The following AFF3 variants were observed in gnomAD, a reference collection of about 807,000 sequenced individuals.
The protein encoded by AFF3 is ALF transcription elongation factor 3.
Under a neutral mutation model 129.7 loss-of-function variants are expected in AFF3, and 32 were observed. That is an observed-to-expected ratio of 0.25 (90% CI 0.19 to 0.33). The LOEUF (loss-of-function observed/expected upper bound fraction) is 0.33. Among genes scored for constraint, AFF3 ranks in the 10% least tolerant of loss-of-function variants. AFF3 has a pLI of 1.00. For synonymous variants in AFF3, 644 were observed against 635.4 expected (o/e 1.01, Z -0.20); for missense variants, 1,373 against 1,592.0 (o/e 0.86, Z 2.34).
At chr2:100,118,995 T>G (rs974155657) in intron 2 of AFF3, among the ~76,000 whole-genome samples, 46 of 152,154 alleles carry the variant, frequency 3.0e-4, no homozygotes, top group Admixed American at 2.4e-3. Context: ...GAGACGGGGT[T>G]TCACCATGTT....
chr2:100,112,819 TC>T (rs60792001), intron 2 of AFF3, among the ~76,000 whole-genome samples: 34,642 of 151,986 alleles, frequency 0.23, 4,733 homozygotes, highest in African/African-American at 0.38. Context: ...CCTGCCCTGC[TC>T]CACCACTATC....
At chr2:99,749,206 T>C (rs1681420950) in intron 9 of AFF3, among the ~76,000 whole-genome samples, 1 of 152,244 alleles carries the variant, frequency 6.6e-6, no homozygotes. Context: ...ATATATTAAT[T>C]AGCTTGATTG....
chr2:100,120,267 T>C (rs1438458611), intron 2 of AFF3, among the ~76,000 whole-genome samples: 1 of 152,184 alleles, frequency 6.6e-6, no homozygotes, highest in Non-Finnish European at 1.5e-5. Flanking sequence ...ACATTCAGCA[T>C]GAAACCGTGG....
rs554103376 is a variant in AFF3, at chr2:99,871,211, A to G, written c.874-33687T>C. On this transcript the variant is annotated intron_variant, in intron 7 of 24. Transcript: ENST00000672756. ...TCAGGAACCATCCCCAAGATATCTCATTATGTCTATGCAAATATTCCAAAA... is the reference window on the plus strand; with the variant it reads ...TCAGGAACCATCCCCAAGATATCTCGTTATGTCTATGCAAATATTCCAAAA... Among the ~76,000 whole-genome samples, 3 of 152,298 alleles carry G rather than the reference A, an allele frequency of 2.0e-5. No individual in the cohort carries two copies. The East Asian group carries it at 5.8e-4, about 29-fold the overall frequency.
intron 4 of AFF3, among the ~76,000 whole-genome samples, chr2:100,054,683 C>T (rs1385150678): frequency 5.9e-5 from 9 of 152,204 alleles, no homozygotes; most frequent in African/African-American, 1.4e-4. Context: ...TAAGGATTTA[C>T]GTGTATTGTT....
At chr2:99,731,121 C>T (rs1679795717) in intron 10 of AFF3, among the ~76,000 whole-genome samples, 1 of 152,128 alleles carries the variant, frequency 6.6e-6, no homozygotes, top group Admixed American at 6.5e-5. Context: ...AAACACCTGG[C>T]TAATTTTTAT....
chr2:100,013,200 A>G (rs918528952), intron 4 of AFF3, among the ~76,000 whole-genome samples: 1 of 152,212 alleles, frequency 6.6e-6, no homozygotes, highest in African/African-American at 2.4e-5. Context: ...AGCCAAGGCC[A>G]ATTATGGTGG....
chr2:99,931,988 C>T (rs780845873), intron 7 of AFF3, among the ~76,000 whole-genome samples: 1 of 152,176 alleles, frequency 6.6e-6, no homozygotes, highest in African/African-American at 2.4e-5. Flanking sequence ...AGTCTGCCCA[C>T]AGGAACCCTG....
intron 12 of AFF3, among the ~76,000 whole-genome samples, chr2:99,666,981 A>G (rs1686729768): frequency 6.6e-6 from 1 of 152,224 alleles, no homozygotes; most frequent in Non-Finnish European, 1.5e-5. Context: ...CTCTCTCAAC[A>G]TTAGATAGAG....
chr2:99,659,827 C>T (rs1224920887), intron 12 of AFF3, among the ~76,000 whole-genome samples: 1 of 151,968 alleles, frequency 6.6e-6, no homozygotes, highest in East Asian at 1.9e-4. Flanking sequence ...TTTCCTAGCA[C>T]AAAAAAGACC....
At chr2:100,030,946 T>C (rs1374604138) in intron 4 of AFF3, among the ~76,000 whole-genome samples, 5 of 152,208 alleles carry the variant, frequency 3.3e-5, no homozygotes, top group African/African-American at 7.2e-5. Flanking sequence ...TCAAAATTCA[T>C]AGAACTTTAT....
intron 13 of AFF3, among the ~76,000 whole-genome samples, chr2:99,632,369 G>T (rs866156809): frequency 1.3e-5 from 2 of 152,220 alleles, no homozygotes; most frequent in Admixed American, 1.3e-4. Flanking sequence ...GTGATAAGGG[G>T]TACTGAGTTT....
intron 7 of AFF3, among the ~76,000 whole-genome samples, chr2:99,997,710 T>C (rs1680982496): frequency 6.6e-6 from 1 of 152,112 alleles, no homozygotes; most frequent in East Asian, 1.9e-4. Flanking sequence ...ACTTCTCCCA[T>C]CCCATGTACA....
intron 2 of AFF3, 94 bp from the exon 3 acceptor site, chr2:100,105,677 T>C: frequency 7.4e-7 from 1 of 1,349,680 alleles, no homozygotes; most frequent in Non-Finnish European, 9.8e-7. Context: ...CTTACTTTTT[T>C]AGACATGCTG....
intron 7 of AFF3, among the ~76,000 whole-genome samples, chr2:99,889,362 T>G (rs1467336575): frequency 6.6e-6 from 1 of 152,334 alleles, no homozygotes; most frequent in African/African-American, 2.4e-5. Flanking sequence ...TCAATCCAAG[T>G]CCTTTTAAGG....
At chr2:99,582,135 A>G (rs1271829305) in intron 17 of AFF3, among the ~76,000 whole-genome samples, 1 of 152,142 alleles carries the variant, frequency 6.6e-6, no homozygotes. Flanking sequence ...GATTACAGGC[A>G]TGAGCCACCA....
intron 7 of AFF3, among the ~76,000 whole-genome samples, chr2:99,954,181 T>C (rs537577957): frequency 6.6e-6 from 1 of 152,306 alleles, no homozygotes; most frequent in South Asian, 2.1e-4. Context: ...TGTATACCTT[T>C]AGCATTATCT....
intron 8 of AFF3, among the ~76,000 whole-genome samples, chr2:99,801,220 T>C (rs979529890): frequency 2.0e-5 from 3 of 152,204 alleles, no homozygotes; most frequent in South Asian, 2.1e-4. Flanking sequence ...ATACATGTAA[T>C]ACTTTCTGTA....
At chr2:99,966,149 T>C (rs556643043) in intron 7 of AFF3, among the ~76,000 whole-genome samples, 1 of 152,282 alleles carries the variant, frequency 6.6e-6, no homozygotes, top group African/African-American at 2.4e-5. Flanking sequence ...CATCCATCTT[T>C]CTCTGTCAGG....
Sources: gnomAD v4.1 joint callset for allele counts (sites outside exome capture counted in the v4.1 genomes callset) on GRCh38, gnomAD v4.1.1 for gene constraint, MANE v1.5 for transcripts, NCBI Gene and HGNC (gene_info 2026-07-23, HGNC 2026-07-21) for gene names.